Variants in UNC5D observed in about 807,000 individuals in gnomAD.
UNC5D encodes netrin receptor UNC5D.
A neutral mutation model predicts 105.4 loss-of-function variants in UNC5D; 39 were observed. The observed-to-expected ratio is 0.37, with a 90% CI of 0.29 to 0.48. The LOEUF (loss-of-function observed/expected upper bound fraction) is 0.48. Ranked by LOEUF, UNC5D falls within the 20% of genes least tolerant of loss-of-function variation. The pLI is 0.98. For missense variants in UNC5D, 991 were observed against 1,202.4 expected, an observed-to-expected ratio of 0.82 and a Z score of 2.60; for synonymous variants, 452 against 450.4, an observed-to-expected ratio of 1.00 and a Z score of -0.04.
intron 1 of UNC5D, among the ~76,000 whole-genome samples, chr8:35,396,312 G>A (rs1804098108): frequency 6.6e-6 from 1 of 152,030 alleles, no homozygotes; most frequent in South Asian, 2.1e-4. Context: ...AGCAAAATCA[G>A]CAAAGGGAAA....
At chr8:35,620,227 T>C (rs1442576501) in intron 4 of UNC5D, among the ~76,000 whole-genome samples, 2 of 152,324 alleles carry the variant, frequency 1.3e-5, no homozygotes, top group Non-Finnish European at 1.5e-5. Context: ...GCTGAGATCC[T>C]TCCATTTACC....
At chr8:35,487,947 A>G (rs1260038861) in intron 1 of UNC5D, among the ~76,000 whole-genome samples, 19 of 152,170 alleles carry the variant, frequency 1.2e-4, no homozygotes, top group Admixed American at 1.2e-3. Context: ...AGTGATATAA[A>G]CTTAGATATT....
chr8:35,432,129 G>T (rs1806686168), intron 1 of UNC5D, among the ~76,000 whole-genome samples: 1 of 152,014 alleles, frequency 6.6e-6, no homozygotes. Flanking sequence ...TGTGACCTTA[G>T]GTAAGTTATT....
At chr8:35,588,156 A>G (rs1323797479) in intron 3 of UNC5D, among the ~76,000 whole-genome samples, 1 of 151,696 alleles carries the variant, frequency 6.6e-6, no homozygotes, top group African/African-American at 2.4e-5. Context: ...CCATGTGCAC[A>G]TGATTATGAG....
intron 1 of UNC5D, among the ~76,000 whole-genome samples, chr8:35,269,752 T>C (rs1161741821): frequency 1.3e-5 from 2 of 152,166 alleles, no homozygotes; most frequent in East Asian, 3.9e-4. Context: ...AGTAGTCTAT[T>C]TCATTTCATC....
At chr8:35,683,275 C>T (rs1022153598) in intron 4 of UNC5D, among the ~76,000 whole-genome samples, 3 of 152,164 alleles carry the variant, frequency 2.0e-5, no homozygotes, top group Non-Finnish European at 4.4e-5. Flanking sequence ...CTTTTCTCTC[C>T]TCCACTGCAT....
chr8:35,639,129 G>A (rs1438795371), intron 4 of UNC5D, among the ~76,000 whole-genome samples: 4 of 152,178 alleles, frequency 2.6e-5, no homozygotes. Context: ...CTGTGTAGGA[G>A]AGAAATAAAT....
chr8:35,604,241 G>A (rs1200850846), intron 4 of UNC5D, among the ~76,000 whole-genome samples: 1 of 152,066 alleles, frequency 6.6e-6, no homozygotes, highest in Non-Finnish European at 1.5e-5. Flanking sequence ...CAGGTCTGGT[G>A]GTGACAAAAT....
chr8:35,641,194 A>T (rs541371590), intron 4 of UNC5D, among the ~76,000 whole-genome samples: 1 of 151,956 alleles, frequency 6.6e-6, no homozygotes, highest in African/African-American at 2.4e-5. Context: ...AATGAGCAGA[A>T]TTTTTTCCTG....
At chr8:35,559,970 G>A (rs1816844053) in intron 2 of UNC5D, among the ~76,000 whole-genome samples, 1 of 151,960 alleles carries the variant, frequency 6.6e-6, no homozygotes, top group South Asian at 2.1e-4. Flanking sequence ...ATTATGTTTA[G>A]TACATGCAGA....
intron 1 of UNC5D, among the ~76,000 whole-genome samples, chr8:35,492,908 T>A (rs1478409816): frequency 6.6e-6 from 1 of 152,166 alleles, no homozygotes; most frequent in African/African-American, 2.4e-5. Flanking sequence ...CTTTCAGAGC[T>A]GCTCAAAAGA....
chr8:35,788,710 A>G (rs1367263381), intron 16 of UNC5D, among the ~76,000 whole-genome samples: 1 of 152,030 alleles, frequency 6.6e-6, no homozygotes. Context: ...GCACACACAC[A>G]CACACACACA....
At chr8:35,592,049 T>C (rs995460307) in intron 3 of UNC5D, among the ~76,000 whole-genome samples, 14 of 152,252 alleles carry the variant, frequency 9.2e-5, no homozygotes, top group Non-Finnish European at 1.8e-4. Context: ...TTGGTGTACT[T>C]GCTGTTTTTC....
intron 8 of UNC5D, among the ~76,000 whole-genome samples, chr8:35,720,544 A>T (rs1053099270): frequency 6.6e-6 from 1 of 152,190 alleles, no homozygotes; most frequent in Non-Finnish European, 1.5e-5. Context: ...TGCTCTGGGA[A>T]TAATTATTCC....
chr8:35,462,825 A>C (rs1336210959), intron 1 of UNC5D, among the ~76,000 whole-genome samples: 1 of 152,196 alleles, frequency 6.6e-6, no homozygotes, highest in Non-Finnish European at 1.5e-5. Flanking sequence ...CAAAGACTCC[A>C]GAATTTATAA....
At chr8:35,685,974 G>A (rs530655711) in intron 6 of UNC5D, among the ~76,000 whole-genome samples, 2 of 152,254 alleles carry the variant, frequency 1.3e-5, no homozygotes, top group Admixed American at 6.5e-5. Context: ...ATTAAATTCA[G>A]TTTGTTCATT....
rs1815930783 is a variant in UNC5D, at chr8:35,549,337, C to G, written c.149C>G (p.Pro50Arg). 1 of 1,613,530 alleles carries G rather than the reference C, an allele frequency of 6.2e-7. No homozygotes were observed. Residue 50 changes from proline to arginine, a missense_variant, in exon 2 of 17, where the codon CCT becomes CGT. By Grantham distance (103) the Pro-to-Arg change is moderately radical. This residue lies in a region of UNC5D where 944 missense variants were observed against 1,131.6 expected (regional missense o/e 0.83). Coordinates refer to ENST00000404895, the MANE Select transcript of UNC5D (RefSeq NM_080872.4). The part of the protein sequence containing the change: ...EALPESIPSA[P>R]GTLPHFIEEP... ...CTTCCCGAATCCATCCCATCAGCTCCTGGGACACTGCCTCATTTCATAGAG... is the reference window on the plus strand; with the variant it reads ...CTTCCCGAATCCATCCCATCAGCTCGTGGGACACTGCCTCATTTCATAGAG...
At chr8:35,511,478 A>C (rs1812694740) in intron 1 of UNC5D, among the ~76,000 whole-genome samples, 1 of 144,642 alleles carries the variant, frequency 6.9e-6, no homozygotes. Flanking sequence ...TAAGATTAAA[A>C]AAAAAAAAAA....
intron 1 of UNC5D, among the ~76,000 whole-genome samples, chr8:35,398,765 G>C (rs570883194): frequency 6.6e-6 from 1 of 152,268 alleles, no homozygotes; most frequent in South Asian, 2.1e-4. Flanking sequence ...GGTTTTGTTA[G>C]TGATTTGGAC....
Sources: allele counts gnomAD v4.1 joint callset (sites outside exome capture counted in the v4.1 genomes callset), GRCh38; gene constraint gnomAD v4.1.1; regional missense constraint gnomAD v4.1.1; transcripts MANE v1.5; gene names NCBI Gene and HGNC (gene_info 2026-07-23, HGNC 2026-07-21).